Variants in MAP4K1 observed in about 807,000 individuals in gnomAD.
The protein encoded by MAP4K1 is MAPK/ERK kinase kinase kinase 1.
A neutral mutation model predicts 122.8 loss-of-function variants in MAP4K1; 35 were observed. The observed-to-expected ratio is 0.29, with a 90% confidence interval of 0.22 to 0.38. The LOEUF (loss-of-function observed/expected upper bound fraction) is 0.38. Among genes scored for constraint, MAP4K1 ranks in the 10% least tolerant of loss-of-function variants. MAP4K1 has a pLI of 1.00. For synonymous variants in MAP4K1, 412 were observed against 421.3 expected, an observed-to-expected ratio of 0.98 and a Z score of 0.27; for missense variants, 791 against 1,072.6, an observed-to-expected ratio of 0.74 and a Z score of 3.67.
Position 38,597,025 on chromosome 19 carries a change from G to T in MAP4K1, c.1941+9C>A. ...CTCAGAGTTCCCAGCACCCTCCCAA[G>T]CCCCTTACCCGGACAAGCAGGAATT... On this transcript the variant is annotated intron_variant, in intron 25 of 30. Transcript: ENST00000396857. The surrounding 1 kb of genome is among the most constrained non-coding windows in gnomAD (Gnocchi z 4.6). The T allele has an allele frequency of 6.2e-7, 1 of 1,613,478 alleles. No homozygotes were observed. Among genetic ancestry groups the T allele is most frequent in the Non-Finnish European group, 8.5e-7 (1 of 1,179,444 alleles).
intron 16 of MAP4K1, among the ~76,000 whole-genome samples, chr19:38,606,698 A>G (rs187065533): frequency 7.2e-5 from 11 of 152,264 alleles, no homozygotes; most frequent in Admixed American, 3.9e-4. Flanking sequence ...CCTACAAAAA[A>G]ATGATTAGCC....
intron 26 of MAP4K1, 37 bp from the exon 27 acceptor site, chr19:38,596,038 C>G (rs776027284): frequency 3.1e-6 from 5 of 1,597,262 alleles, no homozygotes; most frequent in Admixed American, 1.7e-5. Flanking sequence ...TGACCCCACC[C>G]CATTCCCCTT....
In MAP4K1 at chr19:38,596,454, G is replaced by A. The variant is rs896097098; in HGVS notation, c.1974C>T (p.Ser658=). 3.8e-6 allele frequency: 6 copies of A among 1,580,072 alleles called. No individual in the cohort carries two copies. Among genetic ancestry groups the A allele is most frequent in the East Asian group, 2.3e-5 (1 of 43,868 alleles). The part of the protein sequence containing the change: ...QVLFPLPTPL[S]VFALLTGPGS... Reference sequence around the variant, plus strand: ...CTGGCCCGGTCAGCAGCGCGAACACGGACAGAGGCGTCGGCAGTGGGAACA... The same window carrying A: ...CTGGCCCGGTCAGCAGCGCGAACACAGACAGAGGCGTCGGCAGTGGGAACA... The change falls in exon 26 of 31, where the codon TCC becomes TCT. Residue 658 remains serine, a synonymous_variant. Transcript: ENST00000396857.
Position 38,596,400 on chromosome 19 carries a change from G to T in MAP4K1, c.2028C>A (p.Gly676=). ...ACTTCCCCGGCCGCCCGGGGCTCAC[G>T]CCGATGCACACAGCGGGCAGCTCAG... ...PGSELPAVCI[G]VSPGRPGKSV... is the part of the protein sequence containing the mutation. The change falls in exon 26 of 31, where the codon GGC becomes GGA. Residue 676 remains glycine (G), a synonymous_variant. Transcript: ENST00000396857. 1 of 1,596,124 alleles carries T rather than the reference G, an allele frequency of 6.3e-7. No homozygotes were observed.
intron 16 of MAP4K1, among the ~76,000 whole-genome samples, chr19:38,607,236 C>T (rs781072685): frequency 1.3e-5 from 2 of 151,540 alleles, no homozygotes; most frequent in Non-Finnish European, 2.9e-5. Context: ...GGGGGGCTGA[C>T]GCTGAGGGTC....
At chr19:38,596,680 C>T (rs1474607134) in intron 25 of MAP4K1, among the ~76,000 whole-genome samples, 194 bp from the exon 26 acceptor site, 3 of 152,128 alleles carry the variant, frequency 2.0e-5, no homozygotes, top group African/African-American at 7.2e-5. Context: ...GTGTGGCTTC[C>T]ATGTGGGGGC....
intron 13 of MAP4K1, 21 bp from the exon 14 acceptor site, chr19:38,608,191 T>A: frequency 1.4e-6 from 2 of 1,429,882 alleles, no homozygotes; most frequent in Non-Finnish European, 9.4e-7. Context: ...TGGGGGAAGA[T>A]AACCTGCTGT....
At chr19:38,598,691 A>T (rs1974961895) in intron 22 of MAP4K1, among the ~76,000 whole-genome samples, 1 of 152,070 alleles carries the variant, frequency 6.6e-6, no homozygotes, top group South Asian at 2.1e-4. Context: ...ATAAGTTCTG[A>T]TTGTCATCTG....
In MAP4K1 at chr19:38,595,568, C is replaced by CA; in HGVS notation, c.2270-14dup. 15 of 1,614,124 alleles carry CA rather than the reference C, an allele frequency of 9.3e-6. No homozygotes were observed. The highest frequency in any genetic ancestry group is 1.3e-5 in the Non-Finnish European group (15 of 1,180,028). ...CCTCCAACCATAGCTGGGGAGAAAG[C>CA]AATGCCCGTTACCCTTGGGGATCAC... On this transcript the variant is annotated splice_polypyrimidine_tract_variant and intron_variant, in intron 28 of 30. Transcript: ENST00000396857.
intron 16 of MAP4K1, among the ~76,000 whole-genome samples, chr19:38,606,538 CG>C (rs150375253): frequency 0.064 from 9,759 of 152,106 alleles, 375 homozygotes; most frequent in South Asian, 0.14. Context: ...CGCCTGTGAC[CG>C]CAGCTACTCA....
intron 9 of MAP4K1, among the ~76,000 whole-genome samples, chr19:38,611,649 A>G (rs893982313): frequency 6.6e-5 from 10 of 152,058 alleles, no homozygotes; most frequent in African/African-American, 2.4e-4. Context: ...GTGTGGCAAT[A>G]TGGGTCTGTA....
chr19:38,612,522 G>T, intron 9 of MAP4K1, 89 bp downstream of exon 9: 1 of 1,344,990 alleles, frequency 7.4e-7, no homozygotes, highest in Non-Finnish European at 1.0e-6. Flanking sequence ...TGAATTGGAG[G>T]TTCCTGGGAT....
intron 19 of MAP4K1, among the ~76,000 whole-genome samples, chr19:38,604,250 T>C (rs943367909): frequency 1.3e-5 from 2 of 151,984 alleles, no homozygotes; most frequent in Non-Finnish European, 2.9e-5. Context: ...GTAGGCATTA[T>C]GCATGTACGT....
In MAP4K1 at chr19:38,601,524, C is replaced by T; in HGVS notation, c.1448G>A (p.Gly483Glu). Residue 483 changes from glycine to glutamate, a missense_variant and splice_region_variant, in exon 20 of 31, where the codon GGA becomes GAA. Coordinates refer to ENST00000396857, the MANE Select transcript of MAP4K1 (RefSeq NM_001042600.3). ...GAACAACTTTACGAGAAGGGCACAT[C>T]CCTGGGCAGGTCGCCGCGGGGCCAG... The part of the protein sequence containing the change: ...PPKKEKMKRK[G>E]CALLVKLFNG... The T allele has an allele frequency of 6.2e-7, 1 of 1,605,424 alleles. No individual in the cohort carries two copies. Among genetic ancestry groups the T allele is most frequent in the Non-Finnish European group, 8.5e-7 (1 of 1,176,332 alleles).
chr19:38,617,392 C>A lies in MAP4K1; in HGVS notation c.210G>T (p.Arg70=). 1 of 1,613,886 alleles carries A rather than the reference C, an allele frequency of 6.2e-7. No individual in the cohort carries two copies. The highest frequency in any genetic ancestry group is 8.5e-7 in the Non-Finnish European group (1 of 1,179,958). Residue 70 remains arginine, a synonymous_variant, in exon 3 of 31, where the codon CGG becomes CGT. Transcript: ENST00000396857. This position sits in a 1 kb window ranked among gnomAD's most constrained non-coding sequence, Gnocchi z 4.1. ...QKEILILKTC[R]HANIVAYHGS... ...CATGGTAGGCCACGATGTTGGCGTG[C>A]CGGCAAGTTTTCAATATGAGGATTT...
At chr19:38,593,453 A>T in intron 29 of MAP4K1, 116 bp from the exon 30 acceptor site, 1 of 892,248 alleles carries the variant, frequency 1.1e-6, no homozygotes, top group Non-Finnish European at 1.7e-6. Flanking sequence ...CTGTAATCCC[A>T]GCACTTTGGG....
chr19:38,610,215 G>A (rs2144735298), intron 11 of MAP4K1, among the ~76,000 whole-genome samples, 190 bp from the exon 12 acceptor site: 1 of 151,886 alleles, frequency 6.6e-6, no homozygotes, highest in African/African-American at 2.4e-5. Flanking sequence ...TTTTTTGTTT[G>A]TTTGTTTTAA....
At chr19:38,589,984 C>A (rs146607614) in intron 30 of MAP4K1, among the ~76,000 whole-genome samples, 53 of 151,724 alleles carry the variant, frequency 3.5e-4, no homozygotes, top group African/African-American at 7.7e-4. Flanking sequence ...GAGCCATGAT[C>A]GCGTCACTGC....
chr19:38,608,070 G>C (rs200727191), intron 14 of MAP4K1, 37 bp from the exon 15 acceptor site: 1 of 1,569,278 alleles, frequency 6.4e-7, no homozygotes, highest in South Asian at 1.2e-5. Context: ...TGGCCTCAGG[G>C]AAGCAGGCGG....
Sources: allele counts gnomAD v4.1 joint callset (sites outside exome capture counted in the v4.1 genomes callset), GRCh38; gene constraint gnomAD v4.1.1; non-coding constraint Gnocchi (gnomAD v3.1); transcripts MANE v1.5; gene names NCBI Gene and HGNC (gene_info 2026-07-23, HGNC 2026-07-21).